EXPH5: variants seen among roughly 807,000 people sequenced by gnomAD.
EXPH5 encodes the protein exophilin-5.
Under a neutral mutation model 41.1 loss-of-function variants are expected in EXPH5, and 42 were observed. The ratio of observed to expected loss-of-function variants is 1.02; its 90% CI spans 0.80 to 1.32. The LOEUF (loss-of-function observed/expected upper bound fraction) is 1.32, where lower values mean the gene tolerates loss of function less well. Ranked by LOEUF, EXPH5 falls within the 40% of genes most tolerant of loss-of-function variation. The pLI, the probability that EXPH5 is intolerant of heterozygous loss-of-function variation, is 0.00. For synonymous variants in EXPH5, 798 were observed against 833.5 expected, an observed-to-expected ratio of 0.96 and a Z score of 0.73; for missense variants, 2,298 against 2,314.5, an observed-to-expected ratio of 0.99 and a Z score of 0.15.
chr11:108,512,036 C>T lies in EXPH5; in HGVS notation c.3471G>A (p.Trp1157Ter), dbSNP rs773991578. The T allele has an allele frequency of 3.8e-6, 6 of 1,596,916 alleles. No individual in the cohort carries two copies. In the African/African-American group the frequency reaches 6.8e-5, roughly 18 times the overall value. Residue 1157 changes from tryptophan to a stop codon, truncating the protein, a stop_gained, in exon 6 of 6, where the codon TGG (tryptophan) becomes TGA (stop). Coordinates refer to ENST00000265843, the MANE Select transcript of EXPH5 (RefSeq NM_015065.3). LOFTEE classifies it low-confidence loss of function (END_TRUNC). ...TTTCCACAGGGCTAATGATTCTCTCCCAAGCCCTTGGTGTTAGCTCAGAAG... is the reference window on the plus strand; with the variant it reads ...TTTCCACAGGGCTAATGATTCTCTCTCAAGCCCTTGGTGTTAGCTCAGAAG... The part of the protein sequence containing the change: ...MDASELTPRA[W>*]ERIISPVESD...
rs371623426 is a variant in EXPH5 at position 108,573,784 on chromosome 11, A to T, written c.119+19634T>A. 9.8e-4 allele frequency among the ~76,000 whole-genome samples: 150 copies of T among 152,374 alleles called. 3 individuals carry two copies. In the South Asian group the frequency reaches 0.03, roughly 31 times the overall value. On this transcript the variant is annotated intron_variant, in intron 1 of 5. Coordinates refer to ENST00000265843, the MANE Select transcript of EXPH5 (RefSeq NM_015065.3). ...ATTACTCTAATCTCTAGATGAGAAG[A>T]GTATTCTCATCTTAAAAACAAAAGG...
rs768806071 is a variant in EXPH5, at chr11:108,509,755, T to A, written c.5752A>T (p.Asn1918Tyr). 1 of 1,607,290 alleles carries A rather than the reference T, an allele frequency of 6.2e-7. No homozygotes were observed. Among genetic ancestry groups the A allele is most frequent in the Non-Finnish European group, 8.5e-7 (1 of 1,178,100 alleles). ...GRLWKPSFLK[N>Y]PGFLKDDLRN... is the part of the protein sequence containing the mutation. ...AAATCATCTTTTAGGAAGCCAGGGT[T>A]CTTAAGAAAACTTGGTTTCCATAAT... The change falls in exon 6 of 6, where the codon AAC becomes TAC. Residue 1918 changes from asparagine to tyrosine, a missense_variant. Transcript: ENST00000265843.
intron 1 of EXPH5, among the ~76,000 whole-genome samples, chr11:108,578,703 T>C (rs2094088034): frequency 6.6e-6 from 1 of 152,228 alleles, no homozygotes; most frequent in African/African-American, 2.4e-5. Flanking sequence ...CCTCTTCACT[T>C]TCTATCATCA....
At chr11:108,535,447 C>T (rs879704517) in intron 3 of EXPH5, among the ~76,000 whole-genome samples, 1 of 152,174 alleles carries the variant, frequency 6.6e-6, no homozygotes, top group East Asian at 1.9e-4. Flanking sequence ...AGCTTGCTTT[C>T]TCTGACTTCT....
In EXPH5 at chr11:108,508,004, C is replaced by CAAAAAAAAAAAAAAA. The variant is rs754113349; in HGVS notation, c.*1518_*1532dup. 1.5e-5 allele frequency: 1 copy of CAAAAAAAAAAAAAAA among 66,722 alleles called. No homozygotes were observed. Among genetic ancestry groups the CAAAAAAAAAAAAAAA allele is most frequent in the Non-Finnish European group, 2.6e-5 (1 of 37,914 alleles). The allele number at this position is 66,722 out of a possible 1,614,324, so 4.1% of individuals were successfully genotyped here. A position where few individuals can be genotyped will look rare whatever the true frequency, so the allele number is the denominator to read the frequency against. Reference sequence around the variant, plus strand: ...GAAACTCCAACTCTACTAAAAATACCAAAAAAAAAAAAAAAAAAAAAAAAA... The same window carrying CAAAAAAAAAAAAAAA: ...GAAACTCCAACTCTACTAAAAATACCAAAAAAAAAAAAAAAAAAAAAAAAAAAAAAAAAAAAAAAA... On this transcript the variant is annotated 3_prime_UTR_variant, in exon 6 of 6. Transcript: ENST00000265843.
At chr11:108,532,395 T>TTTTG (rs2093849157) in intron 3 of EXPH5, among the ~76,000 whole-genome samples, 1 of 97,634 alleles carries the variant, frequency 1.0e-5, no homozygotes, top group African/African-American at 3.8e-5. Flanking sequence ...TTTTTTTTTT[T>TTTTG]GTAGAGATGG....
intron 1 of EXPH5, among the ~76,000 whole-genome samples, chr11:108,584,086 T>C (rs1007717735): frequency 5.3e-5 from 8 of 152,204 alleles, no homozygotes; most frequent in African/African-American, 1.4e-4. Flanking sequence ...AGGAATGATA[T>C]AGACAAAATA....
intron 1 of EXPH5, among the ~76,000 whole-genome samples, chr11:108,562,780 T>C (rs536504421): frequency 2.0e-5 from 3 of 152,208 alleles, no homozygotes; most frequent in Admixed American, 6.5e-5. Flanking sequence ...CTGGGCAACA[T>C]GGTGAGATCC....
intron 1 of EXPH5, among the ~76,000 whole-genome samples, chr11:108,558,713 T>A (rs958820899): frequency 2.6e-5 from 4 of 152,232 alleles, no homozygotes; most frequent in African/African-American, 9.6e-5. Context: ...AGGCAATATT[T>A]GGTATCATTT....
chr11:108,530,944 A>G (rs1010394740), intron 3 of EXPH5, among the ~76,000 whole-genome samples: 3 of 152,202 alleles, frequency 2.0e-5, no homozygotes, highest in Non-Finnish European at 4.4e-5. Flanking sequence ...CCTTCCCACA[A>G]GTTAATTTAT....
chr11:108,546,578 A>C, intron 1 of EXPH5, among the ~76,000 whole-genome samples: 1 of 152,182 alleles, frequency 6.6e-6, no homozygotes, highest in South Asian at 2.1e-4. Context: ...ATGCATACAT[A>C]ATCTTTAAAA....
In EXPH5 at chr11:108,593,609, C is replaced by A; in HGVS notation, c.-73G>T. The A allele has an allele frequency of 6.2e-7, 1 of 1,611,194 alleles. No individual in the cohort carries two copies. The highest frequency in any genetic ancestry group is 8.5e-7 in the Non-Finnish European group (1 of 1,178,596). On this transcript the variant is annotated 5_prime_UTR_variant, in exon 1 of 6. Transcript: ENST00000265843. ...TTAGGAAGGCATTTTTCAACCTGTA[C>A]AAGACCAGTTTCACGAACTTGATCC...
chr11:108,601,998 C>A, the EXPH5 span, among the ~76,000 whole-genome samples: 1 of 152,188 alleles, frequency 6.6e-6, no homozygotes, highest in African/African-American at 2.4e-5. Context: ...ATCCGCCCAC[C>A]TCAGCCTCCC....
intron 1 of EXPH5, among the ~76,000 whole-genome samples, chr11:108,569,270 G>A (rs537505450): frequency 1.3e-5 from 2 of 151,786 alleles, no homozygotes; most frequent in South Asian, 2.1e-4. Context: ...AATTACCTCT[G>A]CGGCCCTCTG....
rs143929976 is a variant in EXPH5, at chr11:108,538,156, T to A, written c.443+868A>T. On this transcript the variant is annotated intron_variant, in intron 3 of 5. Coordinates refer to ENST00000265843, the MANE Select transcript of EXPH5 (RefSeq NM_015065.3). ...CAGCCTCATCACACAACCCACCAGC[T>A]GCTTGCTGCCTCTTGTTTCTCAGCG... 27 of 985,560 alleles carry A rather than the reference T, an allele frequency of 2.7e-5. 1 individual carries two copies. Among genetic ancestry groups the A allele is most frequent in the South Asian group, 1.9e-4 (4 of 21,284 alleles). The allele number at this position is 985,560 out of a possible 1,614,324, so 61.1% of individuals were successfully genotyped here.
intron 1 of EXPH5, among the ~76,000 whole-genome samples, chr11:108,553,142 T>G (rs2136062322): frequency 6.6e-6 from 1 of 152,220 alleles, no homozygotes; most frequent in South Asian, 2.1e-4. Context: ...GAGGTTGCAG[T>G]GAGCCGAGAT....
At chr11:108,597,159 C>CA (rs546187482), upstream of EXPH5, among the ~76,000 whole-genome samples, 223 of 152,310 alleles carry the variant, frequency 1.5e-3, 1 homozygote, top group African/African-American at 5.2e-3. Context: ...AAGAGACATG[C>CA]TGATCACATC....
intron 3 of EXPH5, among the ~76,000 whole-genome samples, chr11:108,538,798 C>T (rs2093895454): frequency 6.6e-6 from 1 of 152,188 alleles, no homozygotes; most frequent in South Asian, 2.1e-4. Flanking sequence ...AAATGCACCA[C>T]CAATGCACTC....
In EXPH5 at chr11:108,513,857, A is replaced by T; in HGVS notation, c.1650T>A (p.Pro550=). 1.3e-6 allele frequency: 2 copies of T among 1,566,552 alleles called. No homozygotes were observed. The highest frequency in any genetic ancestry group is 1.2e-5 in the South Asian group (1 of 83,636). Residue 550 remains proline, a synonymous_variant, in exon 6 of 6, where the codon CCT becomes CCA. Coordinates refer to ENST00000265843, the MANE Select transcript of EXPH5 (RefSeq NM_015065.3). ...TGGATCTCTGAAAATCAAACTGCCA[A>T]GGATGTGGCTCTTCTTGGCCTCTGG... ...DVSRGQEEPH[P]WQFDFQRSTL...
Sources: gnomAD v4.1 joint callset for allele counts (sites outside exome capture counted in the v4.1 genomes callset) on GRCh38, gnomAD v4.1.1 for gene constraint, MANE v1.5 for transcripts, NCBI Gene and HGNC (gene_info 2026-07-23, HGNC 2026-07-21) for gene names.